Variants in ZNF143 observed in about 807,000 individuals in gnomAD.
The protein encoded by ZNF143 is zinc finger protein 143.
Under a neutral mutation model 74.1 loss-of-function variants are expected in ZNF143, and 49 were observed. The observed-to-expected ratio is 0.66, with a 90% CI of 0.53 to 0.84. The LOEUF (loss-of-function observed/expected upper bound fraction) is 0.84, where lower values mean the gene tolerates loss of function less well. ZNF143 is among the 40% of genes least tolerant of loss of function. The probability of loss-of-function intolerance (pLI) is 0.00; values close to 1 mark genes in which losing one functional copy is unlikely to be tolerated. For missense variants in ZNF143, 637 were observed against 793.4 expected, an observed-to-expected ratio of 0.80 and a Z score of 2.37; for synonymous variants, 304 against 282.8, an observed-to-expected ratio of 1.07 and a Z score of -0.75.
intron 7 of ZNF143, among the ~76,000 whole-genome samples, chr11:9,480,919 T>C (rs1847212042): frequency 6.6e-6 from 1 of 151,838 alleles, no homozygotes; most frequent in South Asian, 2.1e-4. Context: ...AAAAGAAATA[T>C]TATGCTTCTA....
intron 11 of ZNF143, among the ~76,000 whole-genome samples, chr11:9,507,130 AT>A (rs1848392854): frequency 6.6e-6 from 1 of 152,202 alleles, no homozygotes; most frequent in Non-Finnish European, 1.5e-5. Context: ...TGTAAGACTT[AT>A]GTTACGGTAC....
rs77216498 is a variant in ZNF143 at position 9,484,510 on chromosome 11, C to T, written c.645+4964C>T. 7.9e-3 allele frequency among the ~76,000 whole-genome samples: 1,186 copies of T among 150,268 alleles called. 77 individuals carry two copies. Among genetic ancestry groups the T allele is most frequent in the African/African-American group, 0.028 (1,128 of 40,316 alleles). Reference sequence around the variant, plus strand: ...GATTTCAGGCGTGAGTCACCGTGCCCAGCCTGAACCTTGCTTTTCTAAGTC... The same window carrying T: ...GATTTCAGGCGTGAGTCACCGTGCCTAGCCTGAACCTTGCTTTTCTAAGTC... On this transcript the variant is annotated intron_variant, in intron 7 of 15. Coordinates refer to ENST00000396602, the MANE Select transcript of ZNF143 (RefSeq NM_003442.6).
At chr11:9,493,889 G>A (rs1462051214) in intron 7 of ZNF143, among the ~76,000 whole-genome samples, 2 of 152,134 alleles carry the variant, frequency 1.3e-5, no homozygotes, top group African/African-American at 4.8e-5. Context: ...CAGAGTAGTA[G>A]TATCATATGG....
In ZNF143 at chr11:9,508,599, T is replaced by G. The variant is rs1848440922; in HGVS notation, c.1148-20T>G. 6.2e-7 allele frequency: 1 copy of G among 1,600,828 alleles called. No individual in the cohort carries two copies. Among genetic ancestry groups the G allele is most frequent in the Non-Finnish European group, 8.5e-7 (1 of 1,175,990 alleles). ...CCTACATATGTAAAAGTTGAACTTT[T>G]TTTTGGTGTTGCTCTTTAGGAGAAA... On this transcript the variant is annotated intron_variant, in intron 11 of 15. Transcript: ENST00000396602.
intron 11 of ZNF143, among the ~76,000 whole-genome samples, chr11:9,508,134 T>A (rs1848425912): frequency 1.3e-5 from 2 of 152,232 alleles, no homozygotes; most frequent in Admixed American, 1.3e-4. Flanking sequence ...TCAGGTTAAG[T>A]TAAATGAAAC....
chr11:9,467,845 CAAAA>C (rs971001404), intron 1 of ZNF143, among the ~76,000 whole-genome samples: 5 of 79,908 alleles, frequency 6.3e-5, no homozygotes, highest in African/African-American at 1.3e-4. Flanking sequence ...ACTCCATCTC[CAAAA>C]AAAAAAAAAA....
chr11:9,502,240 T>TC (rs1848191737), intron 11 of ZNF143, among the ~76,000 whole-genome samples: 1 of 121,338 alleles, frequency 8.2e-6, no homozygotes, highest in Non-Finnish European at 1.8e-5. Context: ...CTGGCCATAT[T>TC]CTTTTTTTTT....
At chr11:9,496,217 G>T in intron 8 of ZNF143, 86 bp from the exon 9 acceptor site, 1 of 1,150,592 alleles carries the variant, frequency 8.7e-7, no homozygotes. Context: ...TCATTTAGCA[G>T]TGTGGGAAAA....
rs377300798 is a variant in ZNF143, at chr11:9,475,327, A to G, written c.373+694A>G. Among the ~76,000 whole-genome samples, 22 of 152,060 alleles carry G rather than the reference A, an allele frequency of 1.4e-4. No individual in the cohort carries two copies. The East Asian group carries it at 4.3e-3, about 30-fold the overall frequency. On this transcript the variant is annotated intron_variant, in intron 5 of 15. Transcript: ENST00000396602. ...TAGGCTAGAGTGCAGTGGTACAATC[A>G]TAGCTCACTATAGCCCTGAATTCCT...
intron 7 of ZNF143, among the ~76,000 whole-genome samples, chr11:9,494,034 T>C (rs1377667): frequency 0.61 from 92,994 of 151,968 alleles, 28,971 homozygotes; most frequent in Non-Finnish European, 0.68. Context: ...TTGAGTATAT[T>C]AAGGAATACC....
At chr11:9,486,412 A>ATATATATT (rs1491276045) in intron 7 of ZNF143, among the ~76,000 whole-genome samples, 5 of 19,320 alleles carry the variant, frequency 2.6e-4, no homozygotes, top group South Asian at 1.0e-3. Context: ...TTATATATAT[A>ATATATATT]ATATATATTA....
intron 14 of ZNF143, among the ~76,000 whole-genome samples, chr11:9,520,928 A>G (rs1304592347): frequency 6.6e-6 from 1 of 152,232 alleles, no homozygotes; most frequent in African/African-American, 2.4e-5. Context: ...AAGCTAATAT[A>G]TCACTTGGTT....
Position 9,478,396 on chromosome 11 carries a change from A to G in ZNF143, c.380A>G (p.Tyr127Cys). The G allele has an allele frequency of 6.2e-7, 1 of 1,613,162 alleles. No individual in the cohort carries two copies. The highest frequency in any genetic ancestry group is 8.5e-7 in the Non-Finnish European group (1 of 1,179,132). The change falls in exon 6 of 16, where the codon TAT (tyrosine) becomes TGT (cysteine). Residue 127 changes from tyrosine to cysteine, a missense_variant. By Grantham distance (194) the Tyr-to-Cys change is radical. Transcript: ENST00000396602. ...TTCTCTTCCACTCTCTCAGATAGTT[A>G]TGACCAGAGTGCATTACAGGCGGTT... is the stretch of plus-strand genomic sequence containing the variant. ...AFIHHTSKDS[Y>C]DQSALQAVQL...
intron 5 of ZNF143, among the ~76,000 whole-genome samples, chr11:9,477,009 T>G (rs1241982048): frequency 6.6e-6 from 1 of 151,182 alleles, no homozygotes; most frequent in East Asian, 2.0e-4. Flanking sequence ...TGATCTGCCC[T>G]CCTCAGCCTC....
At chr11:9,466,095 T>G (rs1856194637) in intron 1 of ZNF143, among the ~76,000 whole-genome samples, 1 of 151,258 alleles carries the variant, frequency 6.6e-6, no homozygotes, top group Admixed American at 6.6e-5. Flanking sequence ...TGATTCTCCT[T>G]CCTCAGCATC....
At chr11:9,471,665 G>A (rs1856579319) in intron 2 of ZNF143, among the ~76,000 whole-genome samples, 1 of 150,520 alleles carries the variant, frequency 6.6e-6, no homozygotes, top group Admixed American at 6.6e-5. Context: ...TGATTCTCCT[G>A]CCTCAGCCTC....
At chr11:9,484,615 T>TG (rs1590548558) in intron 7 of ZNF143, among the ~76,000 whole-genome samples, 3 of 149,158 alleles carry the variant, frequency 2.0e-5, no homozygotes, top group South Asian at 2.1e-4. Flanking sequence ...GTTTTTTTTT[T>TG]TTTGTTTATT....
At chr11:9,486,363 T>TATATTA (rs1491555379) in intron 7 of ZNF143, among the ~76,000 whole-genome samples, 2 of 41,248 alleles carry the variant, frequency 4.8e-5, no homozygotes, top group Non-Finnish European at 8.7e-5. Context: ...TATATATATA[T>TATATTA]TATATATAAT....
At chr11:9,517,284 A>G (rs187642989) in intron 14 of ZNF143, among the ~76,000 whole-genome samples, 26 of 151,844 alleles carry the variant, frequency 1.7e-4, no homozygotes, top group Admixed American at 3.9e-4. Context: ...ATTTCATTAT[A>G]TAGAGAACTT....
Sources: gnomAD v4.1 joint callset for allele counts (sites outside exome capture counted in the v4.1 genomes callset) on GRCh38, gnomAD v4.1.1 for gene constraint, MANE v1.5 for transcripts, NCBI Gene and HGNC (gene_info 2026-07-23, HGNC 2026-07-21) for gene names.